The following DMAC2 variants were observed in gnomAD, a reference collection of about 807,000 sequenced individuals.
DMAC2 encodes distal membrane-arm assembly complex protein 2.
A neutral mutation model predicts 29.6 loss-of-function variants in DMAC2; 32 were observed. The ratio of observed to expected loss-of-function variants is 1.08; its 90% CI spans 0.81 to 1.45. The LOEUF is 1.45. Among genes scored for constraint, DMAC2 ranks in the 40% most tolerant of loss-of-function variants. DMAC2 has a pLI of 0.00. For missense variants in DMAC2, 319 were observed against 340.0 expected (o/e 0.94, Z 0.49); for synonymous variants, 133 against 137.4 (o/e 0.97, Z 0.23).
At position 41,433,259 on chromosome 19, in the gene DMAC2, G is replaced by T; in HGVS notation, c.596+13C>A. 6.2e-7 allele frequency: 1 copy of T among 1,602,910 alleles called. No homozygotes were observed. ...TGCCTGGGCATGTGGCCCAGCCTGAGCTGAGGTCTCACTGGAGGTGGTGGA... is the reference window on the plus strand; with the variant it reads ...TGCCTGGGCATGTGGCCCAGCCTGATCTGAGGTCTCACTGGAGGTGGTGGA... On this transcript the variant is annotated intron_variant, in intron 5 of 5. Coordinates refer to ENST00000221943, the MANE Select transcript of DMAC2 (RefSeq NM_018035.3).
At chr19:41,434,742 G>A (rs891999598) in intron 3 of DMAC2, among the ~76,000 whole-genome samples, 5 of 152,096 alleles carry the variant, frequency 3.3e-5, no homozygotes, top group Admixed American at 2.0e-4. Flanking sequence ...AGTGGCTCAC[G>A]CCTGTAATCC....
intron 2 of DMAC2, among the ~76,000 whole-genome samples, chr19:41,437,419 C>A (rs772723590): frequency 1.3e-5 from 2 of 151,688 alleles, no homozygotes; most frequent in Non-Finnish European, 2.9e-5. Context: ...CAAATTTTGG[C>A]GGGGTGTGGT....
intron 1 of DMAC2, 68 bp from the exon 2 acceptor site, chr19:41,438,482 G>A: frequency 7.4e-7 from 1 of 1,355,820 alleles, no homozygotes; most frequent in South Asian, 1.4e-5. Context: ...GGATCCCCCA[G>A]TTCTTGCTCC....
At chr19:41,432,568 C>CGTGTGTGTGTGTGCGTGT in intron 5 of DMAC2, 160 bp from the exon 6 acceptor site, 1 of 518,942 alleles carries the variant, frequency 1.9e-6, no homozygotes, top group Non-Finnish European at 3.3e-6. Flanking sequence ...ACAGTGTGTG[C>CGTGTGTGTGTGTGCGTGT]GTGTGTGTGT....
In DMAC2 at chr19:41,438,352, C is replaced by T. The variant is rs782530139; in HGVS notation, c.81G>A (p.Ala27=). The T allele has an allele frequency of 2.0e-5, 32 of 1,614,114 alleles. No homozygotes were observed. The highest frequency in any genetic ancestry group is 1.8e-4 in the Admixed American group (11 of 60,012). Residue 27 remains alanine (A), a synonymous_variant, in exon 2 of 6, where the codon GCG becomes GCA. Coordinates refer to ENST00000221943, the MANE Select transcript of DMAC2 (RefSeq NM_018035.3). ...GRIRGIHRLG[A]AVAPEGNQKK... ...TCTGATTGCCCTCTGGGGCCACTGCCGCACCCAGGCGATGGATGCCCCTGA... is the reference window on the plus strand; with the variant it reads ...TCTGATTGCCCTCTGGGGCCACTGCTGCACCCAGGCGATGGATGCCCCTGA...
rs1485768479 is a variant in DMAC2, at chr19:41,431,956, GCT to G, written c.*273_*274del. 9.7e-6 allele frequency: 5 copies of G among 514,816 alleles called. No individual in the cohort carries two copies. The highest frequency in any genetic ancestry group is 6.8e-5 in the Admixed American group (2 of 29,532). 31.9% of individuals were successfully genotyped at this position (514,816 alleles called of 1,614,324 possible). A position where few individuals can be genotyped will look rare whatever the true frequency, so the allele number is the denominator to read the frequency against. On this transcript the variant is annotated 3_prime_UTR_variant, in exon 6 of 6. Transcript: ENST00000221943. ...AGAGTCTCCTGACAAGGTGAGTGTG[GCT>G]CTCTGCGGCTACTAACAGCCTGAGC...
Position 41,431,994 on chromosome 19 carries a change from C to T in DMAC2, c.*237G>A. 13 of 577,324 alleles carry T rather than the reference C, an allele frequency of 2.3e-5. No homozygotes were observed. The South Asian group carries it at 2.3e-4, about 10-fold the overall frequency. 35.8% of individuals were successfully genotyped at this position (577,324 alleles called of 1,614,324 possible). Reference sequence around the variant, plus strand: ...ACTAACAGCCTGAGCCTTTACCTCCCCAGGCCTGAACAGGGGCATGGAAAG... The same window carrying T: ...ACTAACAGCCTGAGCCTTTACCTCCTCAGGCCTGAACAGGGGCATGGAAAG... On this transcript the variant is annotated 3_prime_UTR_variant, in exon 6 of 6. Transcript: ENST00000221943.
At chr19:41,432,792 GT>G in intron 5 of DMAC2, 1 of 458,186 alleles carries the variant, frequency 2.2e-6, no homozygotes, top group Non-Finnish European at 3.9e-6. Flanking sequence ...GCGTGTGTGT[GT>G]GTGTGTGTGT....
chr19:41,436,365 C>A, intron 3 of DMAC2, 27 bp downstream of exon 3: 1 of 1,606,282 alleles, frequency 6.2e-7, no homozygotes, highest in Non-Finnish European at 8.5e-7. Context: ...CCTGCCCCAG[C>A]CCGTTCTAAC....
At position 41,432,306 on chromosome 19, in the gene DMAC2, T is replaced by C. The variant is rs2122185005; in HGVS notation, c.699A>G (p.Gly233=). 1 of 1,614,130 alleles carries C rather than the reference T, an allele frequency of 6.2e-7. No individual in the cohort carries two copies. Among genetic ancestry groups the C allele is most frequent in the Non-Finnish European group, 8.5e-7 (1 of 1,180,026 alleles). ...ACTTCAGGCCCTCAGCCCAGTCGAC[T>C]CCCACAACCTCGCAATTGGGCAGCA... The part of the protein sequence containing the change: ...EEMLPNCEVV[G]VDWAEGLKSG... Residue 233 remains glycine (G), a synonymous_variant, in exon 6 of 6, where the codon GGA becomes GGG. Transcript: ENST00000221943.
chr19:41,436,442 A>C lies in DMAC2; in HGVS notation c.246T>G (p.Gly82=). Residue 82 remains glycine (G), a synonymous_variant, in exon 3 of 6, where the codon GGT becomes GGG. Coordinates refer to ENST00000221943, the MANE Select transcript of DMAC2 (RefSeq NM_018035.3). ...RSYTWLEKQH[G]PYGAGAFFIL... is the part of the protein sequence containing the mutation. ...TGAAAAAGGCACCTGCGCCGTATGG[A>C]CCATGTTGCTTCTCCAGCCAGGTGT... 6.2e-7 allele frequency: 1 copy of C among 1,614,120 alleles called. No homozygotes were observed. Among genetic ancestry groups the C allele is most frequent in the Admixed American group, 1.7e-5 (1 of 60,016 alleles).
chr19:41,434,367 C>A (rs2039743316), intron 3 of DMAC2, among the ~76,000 whole-genome samples: 1 of 140,984 alleles, frequency 7.1e-6, no homozygotes, highest in Non-Finnish European at 1.5e-5. Context: ...GTGATCATGC[C>A]ACTGTGCTCC....
Position 41,432,396 on chromosome 19 carries a change from C to A in DMAC2, c.609G>T (p.Arg203Ser). ...ACLHHLQNLR[R>S]LDISDLPAVS... ...CGGCAGGGAGGTCCGAGATGTCCAG[C>A]CTGCGGAGGTTCCTGAAAAGGGGTG... is the stretch of plus-strand genomic sequence containing the variant. The change falls in exon 6 of 6, where the codon AGG becomes AGT. Residue 203 changes from arginine (R) to serine (S), a missense_variant. Coordinates refer to ENST00000221943, the MANE Select transcript of DMAC2 (RefSeq NM_018035.3). 6.2e-7 allele frequency: 1 copy of A among 1,613,664 alleles called. No individual in the cohort carries two copies.
At chr19:41,439,784 C>T in intron 1 of DMAC2, 98 bp downstream of exon 1, 1 of 1,586,456 alleles carries the variant, frequency 6.3e-7, no homozygotes, top group African/African-American at 1.3e-5. Context: ...CCTGCTGCCT[C>T]ACGGCTTTCT....
In DMAC2 at chr19:41,431,499, G is replaced by T. The variant is rs1403310839; in HGVS notation, c.*732C>A. ...CTGTGTCTCCTACGCAACTTCTGAG[G>T]GCTGGAGGGTGCCAAGGGCAGCTGC... On this transcript the variant is annotated 3_prime_UTR_variant, in exon 6 of 6. Coordinates refer to ENST00000221943, the MANE Select transcript of DMAC2 (RefSeq NM_018035.3). 2 of 358,954 alleles carry T rather than the reference G, an allele frequency of 5.6e-6. No individual in the cohort carries two copies. Among genetic ancestry groups the T allele is most frequent in the Non-Finnish European group, 1.1e-5 (2 of 182,298 alleles). 22.2% of individuals were successfully genotyped at this position (358,954 alleles called of 1,614,324 possible). A position where few individuals can be genotyped will look rare whatever the true frequency, so the allele number is the denominator to read the frequency against.
chr19:41,432,195 G>A lies in DMAC2; in HGVS notation c.*36C>T, dbSNP rs370014516. 3.4e-5 allele frequency: 54 copies of A among 1,595,358 alleles called. No individual in the cohort carries two copies. Among genetic ancestry groups the A allele is most frequent in the South Asian group, 1.3e-4 (12 of 89,634 alleles). ...AGCTACCAGACATTCCATGCAGCCC[G>A]CTGAGAAGCCACGTGAGTGGGGACA... On this transcript the variant is annotated 3_prime_UTR_variant, in exon 6 of 6. Coordinates refer to ENST00000221943, the MANE Select transcript of DMAC2 (RefSeq NM_018035.3).
intron 1 of DMAC2, 66 bp downstream of exon 1, chr19:41,439,816 G>C: frequency 6.2e-7 from 1 of 1,610,152 alleles, no homozygotes; most frequent in Non-Finnish European, 8.5e-7. Flanking sequence ...CGCCAACAGA[G>C]GCCCTGAATG....
At position 41,432,221 on chromosome 19, in the gene DMAC2, G is replaced by A. The variant is rs2039546133; in HGVS notation, c.*10C>T. On this transcript the variant is annotated 3_prime_UTR_variant, in exon 6 of 6. Coordinates refer to ENST00000221943, the MANE Select transcript of DMAC2 (RefSeq NM_018035.3). ...CTGAGAAGCCACGTGAGTGGGGACA[G>A]GGCTAAAGGCTAGGCAGGGACAGGG... is the stretch of plus-strand genomic sequence containing the variant. 1 of 1,612,048 alleles carries A rather than the reference G, an allele frequency of 6.2e-7. No homozygotes were observed. The highest frequency in any genetic ancestry group is 1.3e-5 in the African/African-American group (1 of 75,024).
At chr19:41,437,344 C>T (rs2039920871) in intron 2 of DMAC2, among the ~76,000 whole-genome samples, 1 of 150,588 alleles carries the variant, frequency 6.6e-6, no homozygotes, top group Admixed American at 6.6e-5. Context: ...TGCAATGAGC[C>T]ATGATCACAC....
Sources: allele counts gnomAD v4.1 joint callset (sites outside exome capture counted in the v4.1 genomes callset), GRCh38; gene constraint gnomAD v4.1.1; transcripts MANE v1.5; gene names NCBI Gene and HGNC (gene_info 2026-07-23, HGNC 2026-07-21).